PTPRD: variants seen among roughly 807,000 people sequenced by gnomAD.
PTPRD encodes the protein receptor-type tyrosine-protein phosphatase delta.
PTPRD carries 34 observed loss-of-function variants against 214.5 expected under a neutral mutation model. That is an observed-to-expected ratio of 0.16 (90% CI 0.12 to 0.21). PTPRD has a LOEUF of 0.21. Among genes scored for constraint, PTPRD ranks in the 10% least tolerant of loss-of-function variants. PTPRD has a pLI of 1.00. For missense variants in PTPRD, 2,545 were observed against 2,398.7 expected (o/e 1.06, Z -1.27); for synonymous variants, 1,128 against 845.7 (o/e 1.33, Z -5.79).
intron 10 of PTPRD, among the ~76,000 whole-genome samples, chr9:9,155,221 A>G (rs2099880199): frequency 6.6e-6 from 1 of 152,162 alleles, no homozygotes; most frequent in South Asian, 2.1e-4. Context: ...CATTTTTTAA[A>G]TGTAGAAATC....
intron 8 of PTPRD, among the ~76,000 whole-genome samples, chr9:9,536,265 C>T (rs1201687254): frequency 6.6e-6 from 1 of 151,938 alleles, no homozygotes; most frequent in Non-Finnish European, 1.5e-5. Context: ...CGGCCCGTAC[C>T]TCAGTGCTTG....
intron 2 of PTPRD, among the ~76,000 whole-genome samples, chr9:10,539,340 A>G (rs1049914963): frequency 1.3e-5 from 2 of 152,160 alleles, no homozygotes; most frequent in Non-Finnish European, 2.9e-5. Context: ...GACCGCCATC[A>G]TGCCGGGCTA....
chr9:9,846,765 G>A (rs1027536692), intron 5 of PTPRD, among the ~76,000 whole-genome samples: 1 of 152,096 alleles, frequency 6.6e-6, no homozygotes, highest in Admixed American at 6.6e-5. Flanking sequence ...GACACTGCTT[G>A]GACAGCATAA....
In PTPRD at chr9:9,935,231, C is replaced by A. The variant is rs369959460; in HGVS notation, c.-368+3276G>T. On this transcript the variant is annotated intron_variant, in intron 5 of 45. Transcript: ENST00000381196. ...TGTTGGAAGTTCTGGCCAGGGCAAT[C>A]AGGCAGGAGAAGGAAATAAAGGGTA... is the stretch of plus-strand genomic sequence containing the variant. Among the ~76,000 whole-genome samples, 18 of 151,924 alleles carry A rather than the reference C, an allele frequency of 1.2e-4. No individual in the cohort carries two copies. In the East Asian group the frequency reaches 2.3e-3, roughly 20 times the overall value.
chr9:8,439,275 G>A (rs759264475), intron 34 of PTPRD, among the ~76,000 whole-genome samples: 4 of 152,112 alleles, frequency 2.6e-5, no homozygotes, highest in African/African-American at 4.8e-5. Flanking sequence ...TTTGTGAAGC[G>A]CCTTGATTTC....
At chr9:10,351,083 A>G (rs1399922500) in intron 2 of PTPRD, among the ~76,000 whole-genome samples, 1 of 152,130 alleles carries the variant, frequency 6.6e-6, no homozygotes, top group African/African-American at 2.4e-5. Context: ...CCAAAAAGAG[A>G]AGTCATGATA....
chr9:10,397,677 C>T (rs1009272655), intron 2 of PTPRD, among the ~76,000 whole-genome samples: 10 of 151,828 alleles, frequency 6.6e-5, no homozygotes, highest in South Asian at 2.1e-4. Context: ...CTATTACCTA[C>T]GGTATTTAGC....
At chr9:10,528,663 C>T (rs144944331) in intron 2 of PTPRD, among the ~76,000 whole-genome samples, 1 of 152,236 alleles carries the variant, frequency 6.6e-6, no homozygotes, top group African/African-American at 2.4e-5. Flanking sequence ...TAAGTTGACA[C>T]ACAACTTGTC....
At chr9:10,036,085 C>A (rs781482927) in intron 3 of PTPRD, among the ~76,000 whole-genome samples, 20 of 152,022 alleles carry the variant, frequency 1.3e-4, no homozygotes, top group Non-Finnish European at 1.6e-4. Flanking sequence ...TGGCAGTATA[C>A]CCACTGATAC....
At chr9:9,354,176 T>C (rs1398781702) in intron 9 of PTPRD, among the ~76,000 whole-genome samples, 1 of 151,726 alleles carries the variant, frequency 6.6e-6, no homozygotes, top group Non-Finnish European at 1.5e-5. Flanking sequence ...CCATGATGGT[T>C]CCTCTTTCTT....
At chr9:10,223,256 C>T (rs1203898984) in intron 3 of PTPRD, among the ~76,000 whole-genome samples, 1 of 151,754 alleles carries the variant, frequency 6.6e-6, no homozygotes, top group Non-Finnish European at 1.5e-5. Context: ...TCTGTTTCTT[C>T]TGTACCTTTT....
chr9:8,646,609 TGGAA>T (rs991225261), intron 12 of PTPRD, among the ~76,000 whole-genome samples: 4 of 152,206 alleles, frequency 2.6e-5, no homozygotes, highest in African/African-American at 7.2e-5. Context: ...ATTAAGTCCT[TGGAA>T]GCCTTCTTTG....
At chr9:9,806,663 G>A (rs1010090287) in intron 5 of PTPRD, among the ~76,000 whole-genome samples, 1 of 152,060 alleles carries the variant, frequency 6.6e-6, no homozygotes, top group Non-Finnish European at 1.5e-5. Flanking sequence ...AGTGAATAAA[G>A]AGCCTTGCTG....
intron 43 of PTPRD, among the ~76,000 whole-genome samples, chr9:8,338,661 C>G (rs750818525): frequency 1.3e-5 from 2 of 152,076 alleles, no homozygotes; most frequent in Non-Finnish European, 2.9e-5. Flanking sequence ...AGCACGAACA[C>G]TCACCAAGTG....
intron 39 of PTPRD, among the ~76,000 whole-genome samples, chr9:8,353,825 T>C (rs1346708614): frequency 1.2e-4 from 1 of 8,404 alleles, no homozygotes; most frequent in Non-Finnish European, 2.6e-4. Context: ...AAAATATATG[T>C]ATATATGTAT....
At chr9:8,752,290 C>T (rs2093612957) in intron 11 of PTPRD, among the ~76,000 whole-genome samples, 1 of 152,110 alleles carries the variant, frequency 6.6e-6, no homozygotes, top group South Asian at 2.1e-4. Flanking sequence ...ACCAAGATGG[C>T]CATGAGAGTG....
At chr9:9,351,890 A>C (rs971377623) in intron 9 of PTPRD, among the ~76,000 whole-genome samples, 1 of 151,982 alleles carries the variant, frequency 6.6e-6, no homozygotes, top group African/African-American at 2.4e-5. Flanking sequence ...ATCCACCTTG[A>C]TGGACTATAT....
intron 14 of PTPRD, among the ~76,000 whole-genome samples, chr9:8,562,200 T>C (rs1037462409): frequency 2.0e-5 from 3 of 152,104 alleles, no homozygotes; most frequent in Non-Finnish European, 4.4e-5. Flanking sequence ...ATAAGGTGGA[T>C]AAGATAGTTC....
intron 5 of PTPRD, among the ~76,000 whole-genome samples, chr9:9,842,677 T>C (rs1234002924): frequency 6.6e-6 from 1 of 151,980 alleles, no homozygotes; most frequent in Non-Finnish European, 1.5e-5. Flanking sequence ...GTTGTTTTTT[T>C]TTTTTTTCTT....
Sources: gnomAD v4.1 joint callset for allele counts (sites outside exome capture counted in the v4.1 genomes callset) on GRCh38, gnomAD v4.1.1 for gene constraint, MANE v1.5 for transcripts, NCBI Gene and HGNC (gene_info 2026-07-23, HGNC 2026-07-21) for gene names.